The following HECW2 variants were observed in gnomAD, a reference collection of about 807,000 sequenced individuals.
The protein encoded by HECW2 is E3 ubiquitin-protein ligase HECW2.
In HECW2, 61 loss-of-function variants were observed where a neutral mutation model predicts 175.2. The observed-to-expected ratio is 0.35, with a 90% CI of 0.28 to 0.43. The LOEUF is 0.43. Among genes scored for constraint, HECW2 ranks in the 20% least tolerant of loss-of-function variants. The probability of loss-of-function intolerance (pLI) is 1.00; values close to 1 mark genes in which losing one functional copy is unlikely to be tolerated. For synonymous variants in HECW2, 671 were observed against 731.0 expected, an observed-to-expected ratio of 0.92 and a Z score of 1.32; for missense variants, 1,524 against 2,000.5, an observed-to-expected ratio of 0.76 and a Z score of 4.54.
intron 1 of HECW2, among the ~76,000 whole-genome samples, chr2:196,439,985 G>A (rs1575544337): frequency 6.6e-6 from 1 of 152,156 alleles, no homozygotes; most frequent in Admixed American, 6.5e-5. Flanking sequence ...GGGGATAAAA[G>A]TGAGGGTGAA....
At chr2:196,559,037 ATT>A (rs1041440217) in intron 1 of HECW2, among the ~76,000 whole-genome samples, 28 of 152,206 alleles carry the variant, frequency 1.8e-4, no homozygotes, top group African/African-American at 6.8e-4. Flanking sequence ...AATTAACCCT[ATT>A]TTTACAATTA....
chr2:196,432,410 A>G (rs1434184864), intron 2 of HECW2, among the ~76,000 whole-genome samples: 2 of 152,088 alleles, frequency 1.3e-5, no homozygotes, highest in Admixed American at 1.3e-4. Flanking sequence ...TTGGATTTCA[A>G]TTTTCTTTTT....
intron 1 of HECW2, among the ~76,000 whole-genome samples, chr2:196,553,146 T>C (rs1408065950): frequency 6.6e-6 from 1 of 152,232 alleles, no homozygotes; most frequent in Non-Finnish European, 1.5e-5. Flanking sequence ...TAATAAATTA[T>C]TTTTGCTAGT....
At chr2:196,509,450 T>A (rs1266678933) in intron 1 of HECW2, among the ~76,000 whole-genome samples, 1 of 152,224 alleles carries the variant, frequency 6.6e-6, no homozygotes, top group African/African-American at 2.4e-5. Flanking sequence ...TCCCTGGAAG[T>A]CAAGGAGTAG....
chr2:196,430,282 G>T (rs1219838119), intron 2 of HECW2, among the ~76,000 whole-genome samples: 2 of 151,914 alleles, frequency 1.3e-5, no homozygotes, highest in African/African-American at 4.8e-5. Context: ...CAAGCTCAAA[G>T]AAATAAACCT....
intron 19 of HECW2, among the ~76,000 whole-genome samples, chr2:196,243,877 C>G (rs947675265): frequency 7.9e-5 from 12 of 152,166 alleles, no homozygotes; most frequent in African/African-American, 2.9e-4. Flanking sequence ...CCATGCCCAG[C>G]CAATTGTTCC....
At chr2:196,273,010 A>G (rs1689798834) in intron 16 of HECW2, among the ~76,000 whole-genome samples, 1 of 150,048 alleles carries the variant, frequency 6.7e-6, no homozygotes, top group Non-Finnish European at 1.5e-5. Context: ...TAATTTAAAG[A>G]AGACGTTTTA....
chr2:196,462,053 T>C (rs1170379994), intron 1 of HECW2, among the ~76,000 whole-genome samples: 3 of 152,150 alleles, frequency 2.0e-5, no homozygotes, highest in Admixed American at 1.3e-4. Context: ...TATGTGTGTG[T>C]GCGTATACAT....
intron 21 of HECW2, chr2:196,239,853 G>C (rs1207719508): frequency 6.6e-6 from 1 of 152,212 alleles, no homozygotes; most frequent in Admixed American, 6.5e-5. Context: ...ATCTTGACGA[G>C]CACACTCATG....
intron 6 of HECW2, among the ~76,000 whole-genome samples, chr2:196,323,908 G>GTTTTTTTTTTT (rs1227754141): frequency 1.6e-5 from 1 of 63,218 alleles, no homozygotes; most frequent in African/African-American, 7.6e-5. Context: ...AGTTTTTTTT[G>GTTTTTTTTTTT]TTTTTTGTTT....
intron 10 of HECW2, among the ~76,000 whole-genome samples, chr2:196,308,501 C>A (rs949199182): frequency 4.6e-5 from 7 of 152,138 alleles, no homozygotes; most frequent in African/African-American, 1.7e-4. Context: ...ATGAAAGCCT[C>A]ATAGCTGGAG....
At chr2:196,299,145 A>C (rs1356012238) in intron 13 of HECW2, among the ~76,000 whole-genome samples, 1 of 150,308 alleles carries the variant, frequency 6.7e-6, no homozygotes, top group Non-Finnish European at 1.5e-5. Context: ...AGAAATGTAT[A>C]AATGTACAGC....
At chr2:196,283,120 G>A (rs1690248471) in intron 14 of HECW2, among the ~76,000 whole-genome samples, 1 of 151,436 alleles carries the variant, frequency 6.6e-6, no homozygotes, top group Non-Finnish European at 1.5e-5. Flanking sequence ...AAGTTAGCTG[G>A]GCGTGGTGGC....
chr2:196,360,636 C>G (rs1235319233), intron 2 of HECW2, among the ~76,000 whole-genome samples: 2 of 152,148 alleles, frequency 1.3e-5, no homozygotes, highest in African/African-American at 4.8e-5. Context: ...CTTCAACAAA[C>G]TCCTGTGACA....
intron 1 of HECW2, among the ~76,000 whole-genome samples, chr2:196,516,857 A>G (rs1347218120): frequency 6.6e-6 from 1 of 152,224 alleles, no homozygotes; most frequent in African/African-American, 2.4e-5. Context: ...TAAGCTAGGT[A>G]CAGGCTATAT....
intron 1 of HECW2, among the ~76,000 whole-genome samples, chr2:196,579,789 A>C (rs1690703491): frequency 6.6e-6 from 1 of 152,194 alleles, no homozygotes; most frequent in Non-Finnish European, 1.5e-5. Context: ...GACACCAGGG[A>C]CATACATGCA....
chr2:196,306,436 A>G (rs1691264811), intron 13 of HECW2, 52 bp downstream of exon 13: 1 of 1,529,406 alleles, frequency 6.5e-7, no homozygotes, highest in African/African-American at 1.4e-5. Flanking sequence ...AACAACGATC[A>G]TTTGCTTTGG....
At chr2:196,434,184 C>T (rs1021098110) in intron 1 of HECW2, among the ~76,000 whole-genome samples, 1 of 152,112 alleles carries the variant, frequency 6.6e-6, no homozygotes, top group Non-Finnish European at 1.5e-5. Flanking sequence ...CTACTTTATC[C>T]CCAGTGTCTA....
At position 196,271,299 on chromosome 2, in the gene HECW2, A is replaced by T. The variant is rs1310327986; in HGVS notation, c.3239-10T>A. ...ATCTTGTCATTGTAAGCTGAAAAAA[A>T]AATCAGAAAAGACAACAATTTAAAA... On this transcript the variant is annotated splice_polypyrimidine_tract_variant and intron_variant, in intron 16 of 28. Coordinates refer to ENST00000644978, the MANE Select transcript of HECW2 (RefSeq NM_001348768.2). The T allele has an allele frequency of 1.3e-6, 2 of 1,557,082 alleles. No individual in the cohort carries two copies. Among genetic ancestry groups the T allele is most frequent in the African/African-American group, 1.4e-5 (1 of 73,608 alleles).
Sources: gnomAD v4.1 joint callset for allele counts (sites outside exome capture counted in the v4.1 genomes callset) on GRCh38, gnomAD v4.1.1 for gene constraint, MANE v1.5 for transcripts, NCBI Gene and HGNC (gene_info 2026-07-23, HGNC 2026-07-21) for gene names.